Variants in B3GALT1 observed in about 807,000 individuals in gnomAD.
B3GALT1 encodes the protein UDP-Gal:betaGlcNAc beta 1,3-galactosyltransferase, polypeptide 1.
In B3GALT1, 10 loss-of-function variants were observed where a neutral mutation model predicts 23.2. That is an observed-to-expected ratio of 0.43 (90% CI 0.27 to 0.73). The LOEUF (loss-of-function observed/expected upper bound fraction) is 0.73. Ranked by LOEUF, B3GALT1 falls within the 30% of genes least tolerant of loss-of-function variation. The pLI is 0.21. For synonymous variants in B3GALT1, 156 were observed against 141.5 expected (o/e 1.10, Z -0.73); for missense variants, 299 against 405.4 (o/e 0.74, Z 2.25).
intron 3 of B3GALT1, among the ~76,000 whole-genome samples, chr2:167,806,189 A>T (rs1688748573): frequency 6.6e-6 from 1 of 152,090 alleles, no homozygotes; most frequent in Non-Finnish European, 1.5e-5. Context: ...GTATCCTGAG[A>T]CTTTGCTGAA....
intron 2 of B3GALT1, among the ~76,000 whole-genome samples, chr2:167,597,992 A>C (rs1316986477): frequency 6.6e-6 from 1 of 152,174 alleles, no homozygotes; most frequent in African/African-American, 2.4e-5. Flanking sequence ...AAACTAAAGA[A>C]ATGGAAAGTC....
At chr2:167,835,278 T>G (rs1162356167) in intron 4 of B3GALT1, among the ~76,000 whole-genome samples, 1 of 152,088 alleles carries the variant, frequency 6.6e-6, no homozygotes, top group Non-Finnish European at 1.5e-5. Flanking sequence ...CCTTTCCTAG[T>G]CAAAGAAAGG....
intron 1 of B3GALT1, among the ~76,000 whole-genome samples, chr2:167,474,681 A>G (rs991010835): frequency 6.6e-6 from 1 of 152,160 alleles, no homozygotes; most frequent in Non-Finnish European, 1.5e-5. Context: ...CTCTGACACC[A>G]AAGGTGCATC....
intron 3 of B3GALT1, among the ~76,000 whole-genome samples, chr2:167,781,838 T>A (rs1225734396): frequency 6.6e-6 from 1 of 152,146 alleles, no homozygotes; most frequent in Non-Finnish European, 1.5e-5. Context: ...GCCTCCTGAA[T>A]TCAAGCAATC....
chr2:167,379,552 AG>A (rs1227885801), intron 1 of B3GALT1, among the ~76,000 whole-genome samples: 4 of 151,882 alleles, frequency 2.6e-5, no homozygotes, highest in Non-Finnish European at 5.9e-5. Flanking sequence ...TGGGTTGTGG[AG>A]TTCAACCTAT....
At chr2:167,333,796 G>A (rs1375114606) in intron 1 of B3GALT1, among the ~76,000 whole-genome samples, 9 of 152,252 alleles carry the variant, frequency 5.9e-5, no homozygotes, top group Admixed American at 2.0e-4. Context: ...AAGTGAACTA[G>A]ATTAGCCCAA....
intron 2 of B3GALT1, among the ~76,000 whole-genome samples, chr2:167,540,044 C>T (rs1038950643): frequency 5.3e-5 from 8 of 152,038 alleles, no homozygotes; most frequent in African/African-American, 1.9e-4. Flanking sequence ...AAAGTAATTA[C>T]CAAATGATCA....
chr2:167,655,220 C>T (rs2105467570), intron 3 of B3GALT1, among the ~76,000 whole-genome samples: 1 of 152,234 alleles, frequency 6.6e-6, no homozygotes, highest in South Asian at 2.1e-4. Flanking sequence ...AGATTAACAA[C>T]AAGACTGCCT....
intron 3 of B3GALT1, among the ~76,000 whole-genome samples, chr2:167,696,525 T>C (rs1686794580): frequency 6.6e-6 from 1 of 152,148 alleles, no homozygotes; most frequent in South Asian, 2.1e-4. Flanking sequence ...ATCAGTTCCA[T>C]ACCATCAAAC....
intron 1 of B3GALT1, among the ~76,000 whole-genome samples, chr2:167,410,526 A>C (rs1267325422): frequency 6.7e-6 from 1 of 149,042 alleles, no homozygotes; most frequent in East Asian, 2.0e-4. Flanking sequence ...GGAGTTCAAC[A>C]ATGAGAACAC....
intron 1 of B3GALT1, among the ~76,000 whole-genome samples, chr2:167,410,953 C>T (rs1301178711): frequency 6.6e-6 from 1 of 151,634 alleles, no homozygotes; most frequent in African/African-American, 2.4e-5. Context: ...AATGTTGATG[C>T]TATACAAATG....
intron 1 of B3GALT1, among the ~76,000 whole-genome samples, chr2:167,391,015 A>C (rs969931266): frequency 3.3e-5 from 5 of 152,242 alleles, no homozygotes; most frequent in Non-Finnish European, 5.9e-5. Flanking sequence ...CAAATATACT[A>C]TGAAACTTGC....
intron 1 of B3GALT1, among the ~76,000 whole-genome samples, chr2:167,347,325 A>T (rs1697235976): frequency 6.6e-6 from 1 of 152,170 alleles, no homozygotes; most frequent in Admixed American, 6.5e-5. Flanking sequence ...GAGCAAGTTG[A>T]TGCTTAGAAA....
At chr2:167,345,191 A>T (rs1697209676) in intron 1 of B3GALT1, among the ~76,000 whole-genome samples, 1 of 152,106 alleles carries the variant, frequency 6.6e-6, no homozygotes. Context: ...CATCTCTCAG[A>T]AGGATTTTTC....
intron 1 of B3GALT1, among the ~76,000 whole-genome samples, chr2:167,389,942 GA>G (rs1559082673): frequency 1.5e-5 from 2 of 136,540 alleles, no homozygotes; most frequent in Non-Finnish European, 3.1e-5. Flanking sequence ...AAAAAAGAAA[GA>G]AAAGAAAACC....
chr2:167,440,765 C>G (rs772742606), intron 1 of B3GALT1, among the ~76,000 whole-genome samples: 5 of 151,766 alleles, frequency 3.3e-5, no homozygotes, highest in Non-Finnish European at 7.4e-5. Flanking sequence ...TAAAATTGAC[C>G]TTTCTTATCT....
intron 4 of B3GALT1, among the ~76,000 whole-genome samples, 100 bp downstream of exon 4, chr2:167,818,893 C>T (rs1167190425): frequency 6.6e-6 from 1 of 152,178 alleles, no homozygotes; most frequent in Non-Finnish European, 1.5e-5. Context: ...AAATCAGCGT[C>T]TAAGGACTAA....
At chr2:167,393,910 A>G (rs376407279) in intron 1 of B3GALT1, among the ~76,000 whole-genome samples, 2 of 152,206 alleles carry the variant, frequency 1.3e-5, no homozygotes, top group African/African-American at 4.8e-5. Flanking sequence ...ATTATATTTA[A>G]ATATAACAAT....
intron 4 of B3GALT1, among the ~76,000 whole-genome samples, chr2:167,865,744 A>G (rs1270957602): frequency 2.0e-5 from 3 of 152,342 alleles, no homozygotes; most frequent in Admixed American, 1.3e-4. Context: ...GTGAGCCGAG[A>G]TTGCACCACT....
Sources: allele counts gnomAD v4.1 joint callset (sites outside exome capture counted in the v4.1 genomes callset), GRCh38; gene constraint gnomAD v4.1.1; transcripts MANE v1.5; gene names NCBI Gene and HGNC (gene_info 2026-07-23, HGNC 2026-07-21).